The following CAMTA1 variants were observed in gnomAD, a reference collection of about 807,000 sequenced individuals.
The protein encoded by CAMTA1 is calmodulin-binding transcription activator 1.
CAMTA1 carries 27 observed loss-of-function variants against 170.9 expected under a neutral mutation model. The ratio of observed to expected loss-of-function variants is 0.16; its 90% CI spans 0.12 to 0.22. The LOEUF (loss-of-function observed/expected upper bound fraction) is 0.22. Among genes scored for constraint, CAMTA1 ranks in the 10% least tolerant of loss-of-function variants. The probability of loss-of-function intolerance (pLI) is 1.00; values close to 1 mark genes in which losing one functional copy is unlikely to be tolerated. For synonymous variants in CAMTA1, 833 were observed against 891.5 expected (o/e 0.93, Z 1.17); for missense variants, 1,619 against 2,217.2 (o/e 0.73, Z 5.42).
Position 7,180,068 on chromosome 1 carries a change from T to A in CAMTA1, c.303-69423T>A, listed in dbSNP as rs528639619. ...TAACCATTGACATAGAAGACATTTTTAAAAATTATGAGATTAGGCCGGGTG... is the reference window on the plus strand; with the variant it reads ...TAACCATTGACATAGAAGACATTTTAAAAAATTATGAGATTAGGCCGGGTG... On this transcript the variant is annotated intron_variant, in intron 4 of 22. Coordinates refer to ENST00000303635, the MANE Select transcript of CAMTA1 (RefSeq NM_015215.4). 5.3e-5 allele frequency among the ~76,000 whole-genome samples: 8 copies of A among 152,288 alleles called. No individual in the cohort carries two copies. In the East Asian group the frequency reaches 1.5e-3, roughly 29 times the overall value.
At position 7,741,194 on chromosome 1, in the gene CAMTA1, G is replaced by A. The variant is rs558711269; in HGVS notation, c.4182+2712G>A. Among the ~76,000 whole-genome samples the A allele has an allele frequency of 5.3e-5, 8 of 151,848 alleles. No homozygotes were observed. In the East Asian group the frequency reaches 1.4e-3, roughly 26 times the overall value. On this transcript the variant is annotated intron_variant, in intron 16 of 22. Coordinates refer to ENST00000303635, the MANE Select transcript of CAMTA1 (RefSeq NM_015215.4). The stretch of plus-strand genomic sequence containing the variant: ...AGAGTAAAAGTGTATGAAAGCTCTC[G>A]GGTTCAGGGACAGTAACAGATTTTG...
intron 4 of CAMTA1, among the ~76,000 whole-genome samples, chr1:7,191,333 A>G (rs1053616631): frequency 2.0e-5 from 3 of 152,338 alleles, no homozygotes; most frequent in South Asian, 2.1e-4. Context: ...TAAGCGTTCT[A>G]TTGATTTCCC....
chr1:7,220,848 GAGA>G (rs1179832853), intron 4 of CAMTA1, among the ~76,000 whole-genome samples: 3 of 152,230 alleles, frequency 2.0e-5, no homozygotes, highest in Admixed American at 6.5e-5. Context: ...CCTGGACATG[GAGA>G]AGAAGTGGTG....
intron 3 of CAMTA1, among the ~76,000 whole-genome samples, chr1:6,896,267 A>C (rs1423436742): frequency 2.0e-5 from 3 of 152,208 alleles, no homozygotes; most frequent in Non-Finnish European, 4.4e-5. Flanking sequence ...AGTTCACCCC[A>C]AATGAGATGA....
intron 6 of CAMTA1, among the ~76,000 whole-genome samples, chr1:7,494,708 G>T (rs1378478049): frequency 6.6e-6 from 1 of 152,312 alleles, no homozygotes; most frequent in African/African-American, 2.4e-5. Flanking sequence ...GGAGGCTGAG[G>T]CATGAGAATC....
Position 7,352,262 on chromosome 1 carries a change from A to G in CAMTA1, c.438+102636A>G, listed in dbSNP as rs549682894. Among the ~76,000 whole-genome samples the G allele has an allele frequency of 3.0e-4, 46 of 151,748 alleles. No individual in the cohort carries two copies. In the East Asian group the frequency reaches 7.2e-3, roughly 24 times the overall value. ...CTGCATCAGCATTGTTTTTCCCTCC[A>G]GTTATTGGGAACCTGGGCTTCCTGG... On this transcript the variant is annotated intron_variant, in intron 5 of 22. Transcript: ENST00000303635.
intron 5 of CAMTA1, among the ~76,000 whole-genome samples, chr1:7,294,749 G>A (rs1673667926): frequency 1.3e-5 from 2 of 152,250 alleles, no homozygotes; most frequent in African/African-American, 4.8e-5. Context: ...GTCAGAGGCT[G>A]CAAGTCATGC....
At chr1:7,628,103 C>G (rs1214099466) in intron 6 of CAMTA1, among the ~76,000 whole-genome samples, 3 of 152,214 alleles carry the variant, frequency 2.0e-5, no homozygotes, top group African/African-American at 4.8e-5. Flanking sequence ...ATGTGCTGGC[C>G]TGTGTTCCAT....
At chr1:7,348,862 G>A (rs945776832) in intron 5 of CAMTA1, among the ~76,000 whole-genome samples, 4 of 152,220 alleles carry the variant, frequency 2.6e-5, no homozygotes, top group African/African-American at 9.6e-5. Flanking sequence ...GTCTGTGATT[G>A]AGGAAAGATT....
intron 4 of CAMTA1, among the ~76,000 whole-genome samples, chr1:7,134,174 A>C (rs1645416544): frequency 6.6e-6 from 1 of 152,202 alleles, no homozygotes. Flanking sequence ...TCCTGCATTA[A>C]TTCACATAGG....
Position 7,395,211 on chromosome 1 carries a change from T to C in CAMTA1, c.439-72619T>C, listed in dbSNP as rs146397760. Among the ~76,000 whole-genome samples the C allele has an allele frequency of 3.0e-3, 459 of 152,326 alleles. 2 individuals are homozygous for C. Among genetic ancestry groups the C allele is most frequent in the African/African-American group, 0.01 (418 of 41,570 alleles). Reference sequence around the variant, plus strand: ...TCTAGTAGTTTTATTGTTTCAGTTCTTACATATAAGAATATTTAATCCATT... The same window carrying C: ...TCTAGTAGTTTTATTGTTTCAGTTCCTACATATAAGAATATTTAATCCATT... On this transcript the variant is annotated intron_variant, in intron 5 of 22. Transcript: ENST00000303635.
chr1:7,289,708 G>A (rs966981588), intron 5 of CAMTA1, among the ~76,000 whole-genome samples: 9 of 152,140 alleles, frequency 5.9e-5, no homozygotes, highest in African/African-American at 2.2e-4. Context: ...AGAAGAACAG[G>A]GACCTTTGGA....
intron 3 of CAMTA1, among the ~76,000 whole-genome samples, chr1:6,864,994 G>A (rs531462861): frequency 5.9e-5 from 9 of 152,168 alleles, no homozygotes; most frequent in East Asian, 1.9e-4. Flanking sequence ...TAATAGAAAT[G>A]GGGTCTCACT....
At position 7,418,727 on chromosome 1, in the gene CAMTA1, G is replaced by A. The variant is rs79953654; in HGVS notation, c.439-49103G>A. Among the ~76,000 whole-genome samples, 16 of 152,300 alleles carry A rather than the reference G, an allele frequency of 1.1e-4. No homozygotes were observed. The East Asian group carries it at 2.9e-3, about 28-fold the overall frequency. On this transcript the variant is annotated intron_variant, in intron 5 of 22. Transcript: ENST00000303635. ...CCCTCCTGAGTCCCACTTCACTGCA[G>A]CCTGCCCATCTTGGTCAGCGGCAAC... is the stretch of plus-strand genomic sequence containing the variant.
intron 5 of CAMTA1, among the ~76,000 whole-genome samples, chr1:7,283,224 A>G (rs1213011540): frequency 6.6e-6 from 1 of 151,988 alleles, no homozygotes; most frequent in African/African-American, 2.4e-5. Flanking sequence ...CACCCCAACT[A>G]CAGGAGACAC....
intron 5 of CAMTA1, among the ~76,000 whole-genome samples, chr1:7,388,900 C>A (rs1389303067): frequency 1.3e-5 from 2 of 152,226 alleles, no homozygotes; most frequent in Non-Finnish European, 2.9e-5. Context: ...CCAGTGCATG[C>A]ACTGCTGTGT....
At chr1:6,974,868 T>C (rs968449352) in intron 3 of CAMTA1, among the ~76,000 whole-genome samples, 1 of 152,126 alleles carries the variant, frequency 6.6e-6, no homozygotes, top group Non-Finnish European at 1.5e-5. Context: ...CATCTAATAA[T>C]AAAAAAAATT....
At chr1:6,874,666 A>C (rs1669329106) in intron 3 of CAMTA1, among the ~76,000 whole-genome samples, 1 of 152,230 alleles carries the variant, frequency 6.6e-6, no homozygotes, top group Admixed American at 6.5e-5. Flanking sequence ...TCAGGTGCAT[A>C]AAGTTAAATC....
chr1:7,543,126 C>T lies in CAMTA1; in HGVS notation c.510+75225C>T, dbSNP rs533605963. On this transcript the variant is annotated intron_variant, in intron 6 of 22. Coordinates refer to ENST00000303635, the MANE Select transcript of CAMTA1 (RefSeq NM_015215.4). ...TCGTAATCCGCCCACCTCGGCCTCC[C>T]AAAGTGCTGGGATTACAGGTGTGAA... 9.5e-4 allele frequency among the ~76,000 whole-genome samples: 144 copies of T among 152,128 alleles called. 2 individuals carry two copies. Among genetic ancestry groups the T allele is most frequent in the African/African-American group, 3.4e-3 (143 of 41,480 alleles).
Sources: gnomAD v4.1 joint callset for allele counts (sites outside exome capture counted in the v4.1 genomes callset) on GRCh38, gnomAD v4.1.1 for gene constraint, MANE v1.5 for transcripts, NCBI Gene and HGNC (gene_info 2026-07-23, HGNC 2026-07-21) for gene names.